The following TNPO2 variants were observed in gnomAD, a reference collection of about 807,000 sequenced individuals.
TNPO2 encodes the protein transportin 2.
A neutral mutation model predicts 111.1 loss-of-function variants in TNPO2; 16 were observed. The ratio of observed to expected loss-of-function variants is 0.14; its 90% CI spans 0.10 to 0.22. The LOEUF (loss-of-function observed/expected upper bound fraction) is 0.22, where lower values mean the gene tolerates loss of function less well. Among genes scored for constraint, TNPO2 ranks in the 10% least tolerant of loss-of-function variants. The pLI is 1.00. For missense variants in TNPO2, 530 were observed against 1,173.7 expected, an observed-to-expected ratio of 0.45 and a Z score of 8.01; for synonymous variants, 481 against 475.8, an observed-to-expected ratio of 1.01 and a Z score of -0.14.
At position 12,706,767 on chromosome 19, in the gene TNPO2, C is replaced by T. The variant is rs2025693824; in HGVS notation, c.1299G>A (p.Leu433=). 2 of 1,611,010 alleles carry T rather than the reference C, an allele frequency of 1.2e-6. No individual in the cohort carries two copies. Among genetic ancestry groups the T allele is most frequent in the Non-Finnish European group, 1.7e-6 (2 of 1,178,704 alleles). Residue 433 remains leucine, a synonymous_variant, in exon 14 of 26, where the codon CTG becomes CTA. Coordinates refer to ENST00000425528, the MANE Select transcript of TNPO2 (RefSeq NM_001382241.1). The surrounding 1 kb of genome is among the most constrained non-coding windows in gnomAD (Gnocchi z 7.0). ...GGATCAGGTGCGGGATCAGCTCAGG[C>T]AGGTAGGGCACCATGCCCTGCATGC... is the stretch of plus-strand genomic sequence containing the variant. ...EGCMQGMVPY[L]PELIPHLIQC... is the part of the protein sequence containing the mutation.
At chr19:12,718,920 A>G in intron 5 of TNPO2, 109 bp downstream of exon 5, 1 of 1,380,910 alleles carries the variant, frequency 7.2e-7, no homozygotes, top group Non-Finnish European at 1.0e-6. Context: ...CAATAGTAAT[A>G]GTACTACCAT....
In TNPO2 at chr19:12,721,625, C is replaced by G; in HGVS notation, c.-13-635G>C. The G allele has an allele frequency of 3.7e-6, 1 of 272,014 alleles. No individual in the cohort carries two copies. The highest frequency in any genetic ancestry group is 7.2e-6 in the Non-Finnish European group (1 of 137,976). 16.9% of individuals were successfully genotyped at this position (272,014 alleles called of 1,614,324 possible). On this transcript the variant is annotated intron_variant, in intron 2 of 25. Transcript: ENST00000425528. The surrounding 1 kb of genome is among the most constrained non-coding windows in gnomAD (Gnocchi z 4.9). ...CAGATATCCCCCTCTGTGGCCTAGC[C>G]AAATTCTAAGGATTCCCCTTAATCA... is the stretch of plus-strand genomic sequence containing the variant.
intron 13 of TNPO2, among the ~76,000 whole-genome samples, chr19:12,709,949 G>A (rs1268365289): frequency 6.6e-6 from 1 of 152,138 alleles, no homozygotes; most frequent in Non-Finnish European, 1.5e-5. Context: ...AAGCTTACAA[G>A]GTTGAGGGTT....
At position 12,702,411 on chromosome 19, in the gene TNPO2, T is replaced by G. The variant is rs768417981; in HGVS notation, c.2306-234A>C. On this transcript the variant is annotated intron_variant, in intron 21 of 25. Transcript: ENST00000425528. The surrounding 1 kb of genome is among the most constrained non-coding windows in gnomAD (Gnocchi z 5.5). The stretch of plus-strand genomic sequence containing the variant: ...TGTTTTTTTTTGTTTTGTTTTGTTT[T>G]TGAGATGGAGTCTTGCTCTGTTGCC... 3.0e-6 allele frequency: 2 copies of G among 663,146 alleles called. No individual in the cohort carries two copies. Among genetic ancestry groups the G allele is most frequent in the Non-Finnish European group, 5.5e-6 (2 of 361,446 alleles). The allele number at this position is 663,146 out of a possible 1,614,324, so 41.1% of individuals were successfully genotyped here.
chr19:12,701,277 C>A lies in TNPO2; in HGVS notation c.*21-34G>T. ...GGAGGAGGAAGGTCATGGCCTGGGACCTTTCGGCCCCCAAGACAGTGCTGA... is the reference window on the plus strand; with the variant it reads ...GGAGGAGGAAGGTCATGGCCTGGGAACTTTCGGCCCCCAAGACAGTGCTGA... On this transcript the variant is annotated intron_variant, in intron 25 of 25. Coordinates refer to ENST00000425528, the MANE Select transcript of TNPO2 (RefSeq NM_001382241.1). The surrounding 1 kb of genome is among the most constrained non-coding windows in gnomAD (Gnocchi z 5.0). The A allele has an allele frequency of 7.6e-7, 1 of 1,312,162 alleles. No individual in the cohort carries two copies. The highest frequency in any genetic ancestry group is 1.1e-6 in the Non-Finnish European group (1 of 921,742). The allele number at this position is 1,312,162 out of a possible 1,614,324, so 81.3% of individuals were successfully genotyped here.
chr19:12,714,372 G>A (rs967457095), intron 10 of TNPO2, among the ~76,000 whole-genome samples: 1 of 151,178 alleles, frequency 6.6e-6, no homozygotes, highest in Non-Finnish European at 1.5e-5. Context: ...GAGTGCAGTG[G>A]CACGACCTTG....
chr19:12,709,440 T>A (rs2025908098), intron 13 of TNPO2, among the ~76,000 whole-genome samples: 1 of 152,142 alleles, frequency 6.6e-6, no homozygotes, highest in Admixed American at 6.6e-5. Flanking sequence ...CCTATTAACA[T>A]GAGATATGAG....
intron 5 of TNPO2, among the ~76,000 whole-genome samples, chr19:12,716,927 G>A (rs562273735): frequency 6.6e-6 from 1 of 152,282 alleles, no homozygotes; most frequent in African/African-American, 2.4e-5. Flanking sequence ...GGAGGTAAGG[G>A]CAGGAAGGTG....
intron 5 of TNPO2, among the ~76,000 whole-genome samples, chr19:12,717,069 T>C (rs1303658443): frequency 6.6e-6 from 1 of 151,922 alleles, no homozygotes; most frequent in African/African-American, 2.4e-5. Flanking sequence ...TGGTATTTGC[T>C]GCCATGAGAT....
intron 5 of TNPO2, among the ~76,000 whole-genome samples, chr19:12,716,955 G>A (rs2145593444): frequency 6.6e-6 from 1 of 152,238 alleles, no homozygotes. Context: ...TGCTTGTACT[G>A]CCTATTAGAT....
chr19:12,710,868 C>T, intron 12 of TNPO2, 95 bp from the exon 13 acceptor site: 6 of 1,216,842 alleles, frequency 4.9e-6, no homozygotes. Flanking sequence ...AGATCATGCT[C>T]AGAATCTTCA....
rs2026291736 is a variant in TNPO2 at position 12,715,116 on chromosome 19, G to A, written c.702C>T (p.Cys234=). 3 of 1,593,818 alleles carry A rather than the reference G, an allele frequency of 1.9e-6. No individual in the cohort carries two copies. The highest frequency in any genetic ancestry group is 1.7e-5 in the Admixed American group (1 of 58,868). Residue 234 remains cysteine, a synonymous_variant, in exon 9 of 26, where the codon TGC becomes TGT. Transcript: ENST00000425528. The surrounding 1 kb of genome is among the most constrained non-coding windows in gnomAD (Gnocchi z 7.1). ...CTTCCAGAAGCATCACCAGGGCACGGCACACATTCTTCCGCACCTCGGGGT... is the reference window on the plus strand; with the variant it reads ...CTTCCAGAAGCATCACCAGGGCACGACACACATTCTTCCGCACCTCGGGGT... The part of the protein sequence containing the change: ...DDDPEVRKNV[C]RALVMLLEVR...
Position 12,715,903 on chromosome 19 carries a change from C to T in TNPO2, c.326-164G>A, listed in dbSNP as rs1599425371. 1.3e-5 allele frequency among the ~76,000 whole-genome samples: 2 copies of T among 152,018 alleles called. No homozygotes were observed. Among genetic ancestry groups the T allele is most frequent in the South Asian group, 4.1e-4 (2 of 4,828 alleles). On this transcript the variant is annotated intron_variant, in intron 5 of 25. Transcript: ENST00000425528. The surrounding 1 kb of genome is among the most constrained non-coding windows in gnomAD (Gnocchi z 7.1). ...TTCTTTGTAAGAGATAGAATTAGCT[C>T]TGTTGCCCAGGCTGGACTGCTGTGG...
chr19:12,717,157 G>A lies in TNPO2; in HGVS notation c.326-1418C>T, dbSNP rs145293911. Among the ~76,000 whole-genome samples, 81 of 151,894 alleles carry A rather than the reference G, an allele frequency of 5.3e-4. 1 individual carries two copies. The highest frequency in any genetic ancestry group is 5.0e-3 in the East Asian group (26 of 5,190). On this transcript the variant is annotated intron_variant, in intron 5 of 25. Coordinates refer to ENST00000425528, the MANE Select transcript of TNPO2 (RefSeq NM_001382241.1). ...TGGGTAGGTACACAGTGAGGATTGT[G>A]GAACTTTAGCCACACCCCCTCATTC...
At chr19:12,703,194 C>A (rs1457210621) in intron 20 of TNPO2, 10 of 594,124 alleles carry the variant, frequency 1.7e-5, no homozygotes, top group South Asian at 1.1e-4. Flanking sequence ...CAAAGTCACC[C>A]AACCAATCCG....
rs1599403944 is a variant in TNPO2, at chr19:12,701,713, C to A, written c.2511+39G>T. On this transcript the variant is annotated intron_variant, in intron 23 of 25. Transcript: ENST00000425528. The surrounding 1 kb of genome is among the most constrained non-coding windows in gnomAD (Gnocchi z 5.0). Reference sequence around the variant, plus strand: ...TCCCAGGTGAGGGGCCGCCCGAGCCCAGCGCCCGCGCCTGCCCTCAGAGCC... The same window carrying A: ...TCCCAGGTGAGGGGCCGCCCGAGCCAAGCGCCCGCGCCTGCCCTCAGAGCC... 6.2e-7 allele frequency: 1 copy of A among 1,613,352 alleles called. No individual in the cohort carries two copies. The highest frequency in any genetic ancestry group is 2.2e-5 in the East Asian group (1 of 44,886).
chr19:12,712,400 G>A (rs2026115002), intron 10 of TNPO2, among the ~76,000 whole-genome samples: 1 of 152,196 alleles, frequency 6.6e-6, no homozygotes. Flanking sequence ...TGGAGGGCCT[G>A]ACATCAGTCA....
rs959252990 is a variant in TNPO2 at position 12,700,841 on chromosome 19, C to G, written c.*423G>C. Reference sequence around the variant, plus strand: ...TCGCCGGTTATGGCACCCGCACATGCGTGTGGCCATGTGTGTCCGTGTGAG... The same window carrying G: ...TCGCCGGTTATGGCACCCGCACATGGGTGTGGCCATGTGTGTCCGTGTGAG... On this transcript the variant is annotated 3_prime_UTR_variant, in exon 26 of 26. Transcript: ENST00000425528. The G allele has an allele frequency of 1.3e-5, 2 of 156,336 alleles. No homozygotes were observed. Among genetic ancestry groups the G allele is most frequent in the African/African-American group, 4.8e-5 (2 of 41,516 alleles). 9.7% of individuals were successfully genotyped at this position (156,336 alleles called of 1,614,324 possible).
In TNPO2 at chr19:12,705,655, T is replaced by C. The variant is rs1399856258; in HGVS notation, c.1755+27A>G. 1.9e-6 allele frequency: 3 copies of C among 1,560,150 alleles called. No homozygotes were observed. The highest frequency in any genetic ancestry group is 1.7e-4 in the Middle Eastern group (1 of 5,966). On this transcript the variant is annotated intron_variant, in intron 16 of 25. Coordinates refer to ENST00000425528, the MANE Select transcript of TNPO2 (RefSeq NM_001382241.1). This position sits in a 1 kb window ranked among gnomAD's most constrained non-coding sequence, Gnocchi z 7.2. ...TCAGGCAGGGTGGGCAGGATGGGTT[T>C]CGGGTGAGGGGCAGGAGCCCACTCA...
Sources: allele counts gnomAD v4.1 joint callset (sites outside exome capture counted in the v4.1 genomes callset), GRCh38; gene constraint gnomAD v4.1.1; non-coding constraint Gnocchi (gnomAD v3.1); transcripts MANE v1.5; gene names NCBI Gene and HGNC (gene_info 2026-07-23, HGNC 2026-07-21).